The following PTPRD variants were observed in gnomAD, a reference collection of about 807,000 sequenced individuals.
PTPRD encodes receptor-type tyrosine-protein phosphatase delta.
PTPRD carries 34 observed loss-of-function variants against 214.5 expected under a neutral mutation model. The ratio of observed to expected loss-of-function variants is 0.16; its 90% CI spans 0.12 to 0.21. PTPRD has a LOEUF of 0.21. PTPRD is among the 10% of genes least tolerant of loss of function. The probability of loss-of-function intolerance (pLI) is 1.00; values close to 1 mark genes in which losing one functional copy is unlikely to be tolerated. For synonymous variants in PTPRD, 1,128 were observed against 845.7 expected, an observed-to-expected ratio of 1.33 and a Z score of -5.79; for missense variants, 2,545 against 2,398.7, an observed-to-expected ratio of 1.06 and a Z score of -1.27.
At chr9:8,532,330 A>C (rs1231144727) in intron 14 of PTPRD, among the ~76,000 whole-genome samples, 5 of 152,086 alleles carry the variant, frequency 3.3e-5, no homozygotes, top group Non-Finnish European at 1.5e-5. Context: ...GGTGTAGTTT[A>C]GAAGACGTTA....
chr9:10,274,460 C>A (rs1345324192), intron 3 of PTPRD, among the ~76,000 whole-genome samples: 3 of 152,238 alleles, frequency 2.0e-5, no homozygotes, highest in Admixed American at 2.0e-4. Context: ...CATATAAATT[C>A]TTCGAGTTAA....
chr9:10,464,492 T>TGAA lies in PTPRD; in HGVS notation c.-599-123478_-599-123476dup, dbSNP rs750748557. 5.2e-3 allele frequency among the ~76,000 whole-genome samples: 341 copies of TGAA among 65,246 alleles called. 4 individuals carry two copies. The highest frequency in any genetic ancestry group is 0.038 in the Middle Eastern group (4 of 104). The allele number at this position is 65,246 out of a possible 152,430, so 42.8% of individuals were successfully genotyped here. On this transcript the variant is annotated intron_variant, in intron 2 of 45. Coordinates refer to ENST00000381196, the MANE Select transcript of PTPRD (RefSeq NM_002839.4). ...GGAGGAAGGGAGAAAGACAGGAAGA[T>TGAA]GAAGATGAAGATGAAGATGAAGAGA...
chr9:10,016,374 T>TAGAC (rs2096714028), intron 4 of PTPRD, among the ~76,000 whole-genome samples: 3 of 124,988 alleles, frequency 2.4e-5, no homozygotes, highest in African/African-American at 9.3e-5. Flanking sequence ...GATAGATAGA[T>TAGAC]AGATAGATAG....
intron 5 of PTPRD, among the ~76,000 whole-genome samples, chr9:9,864,896 T>C (rs1191100928): frequency 6.6e-6 from 1 of 152,192 alleles, no homozygotes; most frequent in East Asian, 1.9e-4. Flanking sequence ...GAAGATTTCA[T>C]CTTTAAAAAT....
At chr9:10,517,099 T>G (rs765630917) in intron 2 of PTPRD, among the ~76,000 whole-genome samples, 2 of 152,042 alleles carry the variant, frequency 1.3e-5, no homozygotes, top group Non-Finnish European at 2.9e-5. Context: ...TCTATTTCAT[T>G]AAGAAATGCC....
At chr9:9,638,994 C>T (rs570708756) in intron 7 of PTPRD, among the ~76,000 whole-genome samples, 1 of 152,264 alleles carries the variant, frequency 6.6e-6, no homozygotes, top group South Asian at 2.1e-4. Context: ...CCCTCATCAC[C>T]AAAACACCTC....
intron 7 of PTPRD, among the ~76,000 whole-genome samples, chr9:9,604,736 T>C (rs2094029808): frequency 1.3e-5 from 2 of 152,038 alleles, no homozygotes; most frequent in Non-Finnish European, 2.9e-5. Context: ...GGGTATTTGT[T>C]TGACAAAGTC....
At chr9:9,587,832 T>C (rs2092253529) in intron 7 of PTPRD, among the ~76,000 whole-genome samples, 1 of 151,896 alleles carries the variant, frequency 6.6e-6, no homozygotes, top group South Asian at 2.1e-4. Flanking sequence ...GAATGGTAAA[T>C]AGTAGGGACT....
intron 12 of PTPRD, among the ~76,000 whole-genome samples, chr9:8,725,332 G>C (rs1319312710): frequency 6.6e-6 from 1 of 152,130 alleles, no homozygotes; most frequent in East Asian, 1.9e-4. Flanking sequence ...AAGCTTTTTA[G>C]GGGCAGGGAT....
At chr9:10,257,084 T>C (rs904142808) in intron 3 of PTPRD, among the ~76,000 whole-genome samples, 4 of 151,338 alleles carry the variant, frequency 2.6e-5, no homozygotes, top group East Asian at 1.9e-4. Context: ...AGACAAAAAA[T>C]GTTAATTTTT....
At chr9:9,851,572 A>G (rs1565764539) in intron 5 of PTPRD, among the ~76,000 whole-genome samples, 1 of 152,246 alleles carries the variant, frequency 6.6e-6, no homozygotes. Flanking sequence ...ATATAAAGTT[A>G]GTGCAGGTAC....
chr9:8,447,631 C>T (rs573975682), intron 34 of PTPRD, among the ~76,000 whole-genome samples: 23 of 152,292 alleles, frequency 1.5e-4, no homozygotes, highest in South Asian at 6.2e-4. Context: ...TACACAGTTC[C>T]CATTCTTGCT....
intron 9 of PTPRD, among the ~76,000 whole-genome samples, chr9:9,199,322 AG>A (rs2099940520): frequency 6.6e-6 from 1 of 152,222 alleles, no homozygotes; most frequent in East Asian, 1.9e-4. Flanking sequence ...TCAGGGTCCT[AG>A]TATAAACTTC....
intron 3 of PTPRD, among the ~76,000 whole-genome samples, chr9:10,249,412 G>A (rs888268513): frequency 6.6e-6 from 1 of 152,094 alleles, no homozygotes; most frequent in African/African-American, 2.4e-5. Flanking sequence ...ACGAGAAAGA[G>A]TTTAAATTTT....
chr9:8,729,704 T>C (rs1424925987), intron 12 of PTPRD, among the ~76,000 whole-genome samples: 2 of 152,136 alleles, frequency 1.3e-5, no homozygotes, highest in Admixed American at 6.5e-5. Flanking sequence ...GACAAAGATA[T>C]GGGAAACTGA....
intron 37 of PTPRD, among the ~76,000 whole-genome samples, chr9:8,385,420 G>A (rs994155566): frequency 2.0e-5 from 3 of 152,182 alleles, no homozygotes; most frequent in Non-Finnish European, 4.4e-5. Context: ...CTGCTGTTCA[G>A]GCAGGATTGC....
At chr9:9,462,728 T>C (rs2093771592) in intron 8 of PTPRD, among the ~76,000 whole-genome samples, 1 of 152,054 alleles carries the variant, frequency 6.6e-6, no homozygotes, top group Admixed American at 6.6e-5. Context: ...CCAAATCACC[T>C]AACAGGGAAA....
intron 3 of PTPRD, among the ~76,000 whole-genome samples, chr9:10,321,281 G>A (rs2096547940): frequency 6.6e-6 from 1 of 152,038 alleles, no homozygotes; most frequent in South Asian, 2.1e-4. Context: ...AGTTAGCACT[G>A]CAGTCAGAGA....
At chr9:8,420,696 G>A (rs1353822209) in intron 35 of PTPRD, among the ~76,000 whole-genome samples, 2 of 152,032 alleles carry the variant, frequency 1.3e-5, no homozygotes, top group African/African-American at 2.4e-5. Context: ...AAATACTGAA[G>A]CTGGTAGTCT....
Sources: gnomAD v4.1 joint callset for allele counts (sites outside exome capture counted in the v4.1 genomes callset) on GRCh38, gnomAD v4.1.1 for gene constraint, MANE v1.5 for transcripts, NCBI Gene and HGNC (gene_info 2026-07-23, HGNC 2026-07-21) for gene names.